The following TBCA variants were observed in gnomAD, a reference collection of about 807,000 sequenced individuals.
TBCA encodes the protein tubulin folding cofactor A, also known as tubulin-specific chaperone A.
A neutral mutation model predicts 15.8 loss-of-function variants in TBCA; 6 were observed. The ratio of observed to expected loss-of-function variants is 0.38; its 90% confidence interval spans 0.21 to 0.75. The LOEUF (loss-of-function observed/expected upper bound fraction) is 0.75. TBCA is among the 30% of genes least tolerant of loss of function. The pLI is 0.46. For missense variants in TBCA, 90 were observed against 131.2 expected, an observed-to-expected ratio of 0.69 and a Z score of 1.53; for synonymous variants, 32 against 42.3, an observed-to-expected ratio of 0.76 and a Z score of 0.94.
chr5:77,713,407 T>C (rs988224897), intron 1 of TBCA, among the ~76,000 whole-genome samples: 1 of 152,196 alleles, frequency 6.6e-6, no homozygotes, highest in Non-Finnish European at 1.5e-5. Context: ...TATTTCATAA[T>C]ACTGAGATGA....
intron 1 of TBCA, among the ~76,000 whole-genome samples, chr5:77,728,273 G>C (rs1420575973): frequency 2.6e-5 from 4 of 152,124 alleles, no homozygotes; most frequent in Non-Finnish European, 1.5e-5. Context: ...AAGGGCCTCA[G>C]AAGAGCTAAA....
intron 1 of TBCA, among the ~76,000 whole-genome samples, chr5:77,751,904 GTCT>G (rs1156297482): frequency 6.6e-6 from 1 of 152,138 alleles, no homozygotes; most frequent in Admixed American, 6.5e-5. Context: ...AGTCAAAGCT[GTCT>G]TCTTGCGCTC....
chr5:77,761,515 G>A (rs460767), intron 1 of TBCA, among the ~76,000 whole-genome samples: 10 of 151,534 alleles, frequency 6.6e-5, no homozygotes, highest in South Asian at 6.3e-4. Context: ...CCACAGGGAC[G>A]TCTGCCTAGG....
chr5:77,775,489 G>A (rs1310828413), intron 1 of TBCA, among the ~76,000 whole-genome samples: 1 of 152,168 alleles, frequency 6.6e-6, no homozygotes, highest in Non-Finnish European at 1.5e-5. Context: ...ATGTCATCAG[G>A]ACCTCCTGAG....
intron 2 of TBCA, among the ~76,000 whole-genome samples, chr5:77,695,910 T>C (rs545534898): frequency 5.3e-5 from 8 of 152,334 alleles, no homozygotes; most frequent in Middle Eastern, 3.4e-3. Context: ...TAGGGGGTAC[T>C]TATTTGGTAA....
chr5:77,704,978 A>G (rs1746114578), intron 2 of TBCA, among the ~76,000 whole-genome samples: 1 of 152,234 alleles, frequency 6.6e-6, no homozygotes, highest in South Asian at 2.1e-4. Flanking sequence ...ACAACTTTTG[A>G]ACAATTTTTT....
intron 2 of TBCA, among the ~76,000 whole-genome samples, chr5:77,707,908 C>T (rs1746185824): frequency 6.6e-6 from 1 of 152,084 alleles, no homozygotes; most frequent in Admixed American, 6.6e-5. Flanking sequence ...AATCCCAGCA[C>T]TTTAGAGAGT....
At chr5:77,716,171 C>A (rs1016973286) in intron 1 of TBCA, among the ~76,000 whole-genome samples, 3 of 152,104 alleles carry the variant, frequency 2.0e-5, no homozygotes, top group African/African-American at 7.2e-5. Flanking sequence ...TTAATGAAGA[C>A]ATCAATATTT....
chr5:77,771,661 G>A (rs1055795297), intron 1 of TBCA, among the ~76,000 whole-genome samples: 22 of 152,216 alleles, frequency 1.4e-4, no homozygotes, highest in African/African-American at 5.1e-4. Context: ...CGTCTTGCAC[G>A]CATGGCTGGA....
intron 1 of TBCA, among the ~76,000 whole-genome samples, chr5:77,714,572 A>ATT (rs761180601): frequency 4.3e-4 from 55 of 126,898 alleles, no homozygotes; most frequent in South Asian, 2.6e-3. Flanking sequence ...TATTATTATT[A>ATT]TTATTTTTTT....
At chr5:77,760,809 A>G (rs1314760211) in intron 1 of TBCA, among the ~76,000 whole-genome samples, 2 of 152,192 alleles carry the variant, frequency 1.3e-5, no homozygotes, top group African/African-American at 4.8e-5. Context: ...GGCCTCCCAA[A>G]GTGCTAAGAT....
chr5:77,746,815 G>A (rs1020038798), intron 1 of TBCA, among the ~76,000 whole-genome samples: 2 of 152,014 alleles, frequency 1.3e-5, no homozygotes, highest in Admixed American at 6.6e-5. Flanking sequence ...TATCCAAATC[G>A]TATACATCAT....
chr5:77,720,441 C>T (rs990313508), intron 1 of TBCA, among the ~76,000 whole-genome samples: 14 of 152,126 alleles, frequency 9.2e-5, no homozygotes, highest in East Asian at 1.9e-4. Context: ...CGGCCAGGCG[C>T]GGTGGCTCTC....
At position 77,758,690 on chromosome 5, in the gene TBCA, C is replaced by G. The variant is rs1268087064; in HGVS notation, c.53+17515G>C. On this transcript the variant is annotated intron_variant, in intron 1 of 3. Coordinates refer to ENST00000380377, the MANE Select transcript of TBCA (RefSeq NM_004607.3). ...GTGTGGGCTGCCTTCATGTGTAGTG[C>G]TCTCCTTACACTTGGGAGGTGAGCA... Among the ~76,000 whole-genome samples the G allele has an allele frequency of 3.9e-5, 6 of 152,066 alleles. No homozygotes were observed. In the South Asian group the frequency reaches 1.0e-3, roughly 26 times the overall value.
At chr5:77,698,581 T>C (rs1002851922) in intron 2 of TBCA, among the ~76,000 whole-genome samples, 4 of 152,134 alleles carry the variant, frequency 2.6e-5, no homozygotes, top group African/African-American at 9.7e-5. Flanking sequence ...TACCAAACAT[T>C]TAAATAACAA....
intron 1 of TBCA, among the ~76,000 whole-genome samples, chr5:77,711,509 T>C (rs547576660): frequency 7.9e-5 from 12 of 152,314 alleles, no homozygotes; most frequent in Admixed American, 3.9e-4. Context: ...TCCTACATAG[T>C]AGGCACTCAA....
chr5:77,761,641 A>T (rs892797679), intron 1 of TBCA, among the ~76,000 whole-genome samples: 3 of 148,130 alleles, frequency 2.0e-5, no homozygotes, highest in African/African-American at 7.4e-5. Context: ...ATAAATACTT[A>T]AAAAAAAAAA....
intron 2 of TBCA, among the ~76,000 whole-genome samples, chr5:77,704,513 A>C (rs1746097614): frequency 6.6e-6 from 1 of 152,204 alleles, no homozygotes; most frequent in Non-Finnish European, 1.5e-5. Context: ...AAGAGGAAGA[A>C]ATCTAGGGAG....
chr5:77,707,638 C>T (rs963167801), intron 2 of TBCA, among the ~76,000 whole-genome samples: 5 of 152,076 alleles, frequency 3.3e-5, no homozygotes, highest in African/African-American at 1.2e-4. Context: ...AATGTTAAGG[C>T]CACTGAAATT....
Sources: allele counts gnomAD v4.1 joint callset (sites outside exome capture counted in the v4.1 genomes callset), GRCh38; gene constraint gnomAD v4.1.1; transcripts MANE v1.5; gene names NCBI Gene and HGNC (gene_info 2026-07-23, HGNC 2026-07-21).